SLC12A2: variants seen among roughly 807,000 people sequenced by gnomAD.
SLC12A2 encodes the protein Na-K-2Cl cotransporter 1.
Under a neutral mutation model 136.3 loss-of-function variants are expected in SLC12A2, and 67 were observed. That is an observed-to-expected ratio of 0.49 (90% CI 0.40 to 0.60). The LOEUF is 0.60. SLC12A2 is among the 20% of genes least tolerant of loss of function. The probability of loss-of-function intolerance (pLI) is 0.00; values close to 1 mark genes in which losing one functional copy is unlikely to be tolerated. For synonymous variants in SLC12A2, 619 were observed against 562.9 expected (o/e 1.10, Z -1.41); for missense variants, 1,322 against 1,534.7 (o/e 0.86, Z 2.32).
intron 26 of SLC12A2, among the ~76,000 whole-genome samples, chr5:128,186,271 A>G (rs1023195248): frequency 1.3e-5 from 2 of 152,254 alleles, no homozygotes; most frequent in Middle Eastern, 3.4e-3. Context: ...TCACGAGGGC[A>G]AAATTGCCTG....
At chr5:128,111,944 A>G (rs1289432765) in intron 1 of SLC12A2, among the ~76,000 whole-genome samples, 2 of 152,054 alleles carry the variant, frequency 1.3e-5, no homozygotes, top group Non-Finnish European at 2.9e-5. Context: ...TAGCCACATT[A>G]TGTTCTCTGC....
At chr5:128,110,177 GTTCT>G in intron 1 of SLC12A2, 1 of 821,992 alleles carries the variant, frequency 1.2e-6, no homozygotes, top group South Asian at 1.3e-5. Context: ...CAGATGTAGA[GTTCT>G]TTGTTAATTT....
intron 14 of SLC12A2, among the ~76,000 whole-genome samples, chr5:128,151,950 C>T (rs569457205): frequency 6.6e-6 from 1 of 152,214 alleles, no homozygotes; most frequent in East Asian, 1.9e-4. Context: ...GTATTGATAA[C>T]AGCTAAACGT....
rs1489348074 is a variant in SLC12A2, at chr5:128,188,734, T to A, written c.*2103T>A. On this transcript the variant is annotated 3_prime_UTR_variant, in exon 27 of 27. Transcript: ENST00000262461. ...TAAGAAAATGAAGTAACTGATTTTC[T>A]AAAAAAAAAAAAAAAAAAAATTTCT... The A allele has an allele frequency of 1.5e-5, 2 of 135,272 alleles. No homozygotes were observed. The highest frequency in any genetic ancestry group is 1.6e-5 in the Non-Finnish European group (1 of 63,150). The allele number at this position is 135,272 out of a possible 1,614,324, so 8.4% of individuals were successfully genotyped here.
At chr5:128,182,834 T>C in intron 23 of SLC12A2, 21 bp from the exon 24 acceptor site, 1 of 1,541,378 alleles carries the variant, frequency 6.5e-7, no homozygotes, top group Non-Finnish European at 8.9e-7. Context: ...TGTATCTTAA[T>C]TCTATTTATT....
intron 17 of SLC12A2, among the ~76,000 whole-genome samples, chr5:128,162,741 G>A (rs932589950): frequency 1.3e-5 from 2 of 152,010 alleles, no homozygotes; most frequent in Non-Finnish European, 2.9e-5. Context: ...AAAACTAAAT[G>A]ACAGAAATAA....
chr5:128,173,048 T>G (rs1485606602), intron 19 of SLC12A2, among the ~76,000 whole-genome samples: 1 of 152,172 alleles, frequency 6.6e-6, no homozygotes, highest in East Asian at 1.9e-4. Flanking sequence ...ATTATAAGCT[T>G]AAGAAAATTT....
In SLC12A2 at chr5:128,182,887, A is replaced by G. The variant is rs757876145; in HGVS notation, c.3245A>G (p.Asp1082Gly). Residue 1082 changes from aspartate (D) to glycine (G), a missense_variant, in exon 24 of 27, where the codon GAC (aspartate) becomes GGC (glycine). Around this residue, in one of 8 missense-constraint regions of SLC12A2, gnomAD observed 172 missense variants for 227.4 expected, o/e 0.76. Coordinates refer to ENST00000262461, the MANE Select transcript of SLC12A2 (RefSeq NM_001046.3). ...MATLLSKFRI[D>G]FSDIMVLGDI... The stretch of plus-strand genomic sequence containing the variant: ...ACTTTGCTTAGCAAGTTCCGGATAG[A>G]CTTTTCTGATATCATGGTTCTAGGA... 6.2e-7 allele frequency: 1 copy of G among 1,611,822 alleles called. No homozygotes were observed. Among genetic ancestry groups the G allele is most frequent in the Non-Finnish European group, 8.5e-7 (1 of 1,178,556 alleles).
At chr5:128,173,661 A>ATGT (rs1404547571) in intron 19 of SLC12A2, among the ~76,000 whole-genome samples, 2 of 152,164 alleles carry the variant, frequency 1.3e-5, no homozygotes, top group Admixed American at 1.3e-4. Flanking sequence ...ATCTGTTAAA[A>ATGT]TGTATTTACC....
At chr5:128,148,727 T>G (rs750010853) in intron 11 of SLC12A2, 27 bp from the exon 12 acceptor site, 1 of 1,546,400 alleles carries the variant, frequency 6.5e-7, no homozygotes, top group Admixed American at 2.2e-5. Context: ...TTTTAATATG[T>G]TTCATTTTAA....
intron 2 of SLC12A2, among the ~76,000 whole-genome samples, chr5:128,113,501 A>T (rs749377811): frequency 2.6e-5 from 4 of 152,208 alleles, no homozygotes; most frequent in Non-Finnish European, 5.9e-5. Context: ...AAAATAGGCT[A>T]CATTGCCTTC....
chr5:128,112,728 T>A (rs1314273064), intron 1 of SLC12A2, 86 bp from the exon 2 acceptor site: 1 of 1,003,076 alleles, frequency 1.0e-6, no homozygotes, highest in Non-Finnish European at 1.5e-6. Context: ...TTAAATATGG[T>A]TAGATGTATT....
At chr5:128,122,014 A>C in intron 4 of SLC12A2, among the ~76,000 whole-genome samples, 1 of 152,214 alleles carries the variant, frequency 6.6e-6, no homozygotes, top group Non-Finnish European at 1.5e-5. Flanking sequence ...AATAGAGGAC[A>C]ACTGCAGGCA....
chr5:128,182,150 A>G (rs1763725745), intron 23 of SLC12A2, among the ~76,000 whole-genome samples: 1 of 152,150 alleles, frequency 6.6e-6, no homozygotes, highest in South Asian at 2.1e-4. Flanking sequence ...AAATACTAAT[A>G]ATAAATTTAA....
intron 17 of SLC12A2, among the ~76,000 whole-genome samples, chr5:128,165,949 G>T (rs1763190669): frequency 7.4e-6 from 1 of 134,596 alleles, no homozygotes; most frequent in Non-Finnish European, 1.6e-5. Flanking sequence ...AAAATATGCT[G>T]TGTGGTTAAG....
intron 16 of SLC12A2, among the ~76,000 whole-genome samples, chr5:128,159,502 C>G (rs1318441020): frequency 6.6e-6 from 1 of 152,076 alleles, no homozygotes; most frequent in Non-Finnish European, 1.5e-5. Context: ...TGCAATGTAT[C>G]CATCTGACAA....
chr5:128,152,955 T>C, intron 15 of SLC12A2, 150 bp downstream of exon 15: 1 of 590,952 alleles, frequency 1.7e-6, no homozygotes, highest in Non-Finnish European at 3.1e-6. Flanking sequence ...AAAGAAAAAT[T>C]AATATCTACC....
intron 13 of SLC12A2, among the ~76,000 whole-genome samples, chr5:128,150,448 G>A (rs993014199): frequency 1.3e-5 from 2 of 151,656 alleles, no homozygotes; most frequent in African/African-American, 2.4e-5. Context: ...GTTTTAACAC[G>A]ATGAGTTCTG....
chr5:128,143,186 A>C (rs1762427003), intron 10 of SLC12A2, among the ~76,000 whole-genome samples: 1 of 152,084 alleles, frequency 6.6e-6, no homozygotes, highest in Non-Finnish European at 1.5e-5. Flanking sequence ...TTTACGAGTA[A>C]GTATTTTTAT....
Sources: gnomAD v4.1 joint callset for allele counts (sites outside exome capture counted in the v4.1 genomes callset) on GRCh38, gnomAD v4.1.1 for gene constraint, gnomAD v4.1.1 regional missense constraint, MANE v1.5 for transcripts, NCBI Gene and HGNC (gene_info 2026-07-23, HGNC 2026-07-21) for gene names.